GFRA1: variants seen among roughly 807,000 people sequenced by gnomAD.
GFRA1 encodes the protein GDNF family receptor alpha 1.
GFRA1 carries 16 observed loss-of-function variants against 51.6 expected under a neutral mutation model. That is an observed-to-expected ratio of 0.31 (90% confidence interval 0.21 to 0.47). The LOEUF is 0.47. Among genes scored for constraint, GFRA1 ranks in the 20% least tolerant of loss-of-function variants. The probability of loss-of-function intolerance (pLI) is 1.00; values close to 1 mark genes in which losing one functional copy is unlikely to be tolerated. For missense variants in GFRA1, 530 were observed against 594.3 expected, an observed-to-expected ratio of 0.89 and a Z score of 1.13; for synonymous variants, 270 against 241.3, an observed-to-expected ratio of 1.12 and a Z score of -1.10.
chr10:116,196,397 G>A (rs560790752), intron 5 of GFRA1, among the ~76,000 whole-genome samples: 1 of 150,048 alleles, frequency 6.7e-6, no homozygotes, highest in East Asian at 1.9e-4. Flanking sequence ...GCTGAGGCAG[G>A]AGAATCGCTT....
intron 5 of GFRA1, among the ~76,000 whole-genome samples, chr10:116,147,956 G>C (rs946133935): frequency 6.6e-6 from 1 of 151,586 alleles, no homozygotes; most frequent in Non-Finnish European, 1.5e-5. Flanking sequence ...AAGTACAGTA[G>C]GATGTGATAG....
chr10:116,261,559 T>C (rs1969303114), intron 4 of GFRA1, among the ~76,000 whole-genome samples: 1 of 152,240 alleles, frequency 6.6e-6, no homozygotes, highest in Admixed American at 6.5e-5. Flanking sequence ...TTTTGTACTT[T>C]ATCTTCTTCC....
intron 4 of GFRA1, among the ~76,000 whole-genome samples, chr10:116,251,529 G>A (rs1589912112): frequency 6.6e-6 from 1 of 152,304 alleles, no homozygotes; most frequent in East Asian, 1.9e-4. Flanking sequence ...TTACCAGAGA[G>A]GAACAGAAGG....
At chr10:116,256,040 C>T (rs759739784) in intron 4 of GFRA1, among the ~76,000 whole-genome samples, 1 of 152,146 alleles carries the variant, frequency 6.6e-6, no homozygotes, top group Non-Finnish European at 1.5e-5. Flanking sequence ...CAGTCATCCA[C>T]CTACCCACCG....
intron 4 of GFRA1, among the ~76,000 whole-genome samples, chr10:116,248,105 T>C (rs1968014891): frequency 6.6e-6 from 1 of 152,202 alleles, no homozygotes; most frequent in African/African-American, 2.4e-5. Flanking sequence ...CCCTGCCAAC[T>C]GGGGAGCCGA....
At chr10:116,192,617 C>T (rs1246486957) in intron 5 of GFRA1, among the ~76,000 whole-genome samples, 7 of 152,216 alleles carry the variant, frequency 4.6e-5, no homozygotes, top group African/African-American at 1.4e-4. Context: ...AGTGCACCTT[C>T]GCCCCTGTAG....
intron 4 of GFRA1, among the ~76,000 whole-genome samples, chr10:116,251,404 G>GT (rs1381180500): frequency 6.6e-6 from 1 of 152,188 alleles, no homozygotes; most frequent in Non-Finnish European, 1.5e-5. Context: ...CACATCTGGC[G>GT]TAAGAGTGGG....
chr10:116,167,128 CTG>C (rs1267229789), intron 5 of GFRA1, among the ~76,000 whole-genome samples: 1 of 152,116 alleles, frequency 6.6e-6, no homozygotes. Context: ...TCAAATCCAA[CTG>C]TGTCTTCTCA....
chr10:116,171,441 A>G (rs1433627534), intron 5 of GFRA1, among the ~76,000 whole-genome samples: 4 of 152,246 alleles, frequency 2.6e-5, no homozygotes, highest in African/African-American at 9.6e-5. Context: ...TCCGGCTTAA[A>G]TATATTTTGC....
chr10:116,092,127 A>ACG (rs1483420661), intron 8 of GFRA1, among the ~76,000 whole-genome samples: 6 of 151,278 alleles, frequency 4.0e-5, no homozygotes, highest in African/African-American at 1.5e-4. Flanking sequence ...ACACACACAC[A>ACG]CACACACACA....
In GFRA1 at chr10:116,163,885, T is replaced by C. The variant is rs192714608; in HGVS notation, c.434-38328A>G. ...TCTGTGTCCCCGAGTTTGATCTGTC[T>C]GTCCCAGCACCACGGAGATGTTAGA... On this transcript the variant is annotated intron_variant, in intron 5 of 10. Coordinates refer to ENST00000355422, the MANE Select transcript of GFRA1 (RefSeq NM_005264.8). Among the ~76,000 whole-genome samples, 67 of 152,340 alleles carry C rather than the reference T, an allele frequency of 4.4e-4. No homozygotes were observed. The East Asian group carries it at 0.013, about 29-fold the overall frequency.
At chr10:116,141,475 G>A (rs1203736997) in intron 5 of GFRA1, among the ~76,000 whole-genome samples, 1 of 152,154 alleles carries the variant, frequency 6.6e-6, no homozygotes, top group East Asian at 1.9e-4. Flanking sequence ...GAGAGTATAT[G>A]CTCTGCCTCC....
At chr10:116,175,458 T>C (rs546123097) in intron 5 of GFRA1, among the ~76,000 whole-genome samples, 1 of 152,302 alleles carries the variant, frequency 6.6e-6, no homozygotes, top group Admixed American at 6.5e-5. Flanking sequence ...AATGCAATGT[T>C]AGATTACCAT....
At chr10:116,106,159 C>T (rs561041044) in intron 6 of GFRA1, among the ~76,000 whole-genome samples, 3 of 152,248 alleles carry the variant, frequency 2.0e-5, no homozygotes, top group South Asian at 4.2e-4. Flanking sequence ...CCTCTGCAGC[C>T]TCCAGAAAGA....
intron 5 of GFRA1, among the ~76,000 whole-genome samples, chr10:116,142,131 G>T (rs201890655): frequency 2.9e-5 from 1 of 34,966 alleles, no homozygotes; most frequent in Admixed American, 3.2e-4. Flanking sequence ...AAGCAGTGCA[G>T]GATTATTCAT....
chr10:116,178,100 C>G (rs2134257849), intron 5 of GFRA1, among the ~76,000 whole-genome samples: 1 of 152,332 alleles, frequency 6.6e-6, no homozygotes, highest in South Asian at 2.1e-4. Flanking sequence ...CTTTGAAAAG[C>G]AGAGGACAGT....
intron 6 of GFRA1, among the ~76,000 whole-genome samples, chr10:116,123,822 AAG>A (rs1957743338): frequency 6.6e-6 from 1 of 152,162 alleles, no homozygotes; most frequent in Non-Finnish European, 1.5e-5. Context: ...TGACTGCCTG[AAG>A]CTTGGGGGTG....
rs190430639 is a variant in GFRA1 at position 116,079,318 on chromosome 10, G to A, written c.1197+10423C>T. On this transcript the variant is annotated intron_variant, in intron 9 of 10. Transcript: ENST00000355422. ...AGTATTTTGTTATGACAGCCCAAAT[G>A]GACTAAGACAAGTAGTAACCACAGC... 3.6e-3 allele frequency among the ~76,000 whole-genome samples: 551 copies of A among 152,088 alleles called. 4 individuals are homozygous for A. Among genetic ancestry groups the A allele is most frequent in the Middle Eastern group, 0.034 (10 of 294 alleles).
chr10:116,205,387 C>T (rs186969913), intron 5 of GFRA1, among the ~76,000 whole-genome samples: 3 of 152,004 alleles, frequency 2.0e-5, no homozygotes, highest in Non-Finnish European at 4.4e-5. Flanking sequence ...ACCATCTCGC[C>T]AACAAGGTGA....
Sources: allele counts gnomAD v4.1 joint callset (sites outside exome capture counted in the v4.1 genomes callset), GRCh38; gene constraint gnomAD v4.1.1; transcripts MANE v1.5; gene names NCBI Gene and HGNC (gene_info 2026-07-23, HGNC 2026-07-21).